Variants in KLRG1 observed in about 807,000 individuals in gnomAD.
KLRG1 encodes killer cell lectin-like receptor subfamily G member 1.
Under a neutral mutation model 21.8 loss-of-function variants are expected in KLRG1, and 16 were observed. That is an observed-to-expected ratio of 0.73 (90% CI 0.50 to 1.11). The LOEUF is 1.11. Ranked by LOEUF, KLRG1 falls within the 50% of genes most tolerant of loss-of-function variation. The pLI is 0.00. For missense variants in KLRG1, 173 were observed against 218.3 expected (o/e 0.79, Z 1.31); for synonymous variants, 69 against 75.9 (o/e 0.91, Z 0.47).
the KLRG1 span, chr12:9,159,995 T>C: frequency 6.2e-7 from 1 of 1,613,984 alleles, no homozygotes. Flanking sequence ...GGAGCCATCT[T>C]GGTGTTTGTA....
intron 2 of KLRG1, 69 bp downstream of exon 2, chr12:8,992,379 G>C: frequency 1.7e-6 from 2 of 1,146,152 alleles, no homozygotes; most frequent in Non-Finnish European, 2.5e-6. Context: ...CATAGCAGAA[G>C]CTTTGAAAAA....
At chr12:9,175,865 G>A in the KLRG1 span, among the ~76,000 whole-genome samples, 5 of 152,194 alleles carry the variant, frequency 3.3e-5, no homozygotes, top group Non-Finnish European at 7.3e-5. Context: ...TGTGGGGAGT[G>A]TAAATTAGTT....
At chr12:9,075,024 C>A in the KLRG1 span, among the ~76,000 whole-genome samples, 1 of 152,034 alleles carries the variant, frequency 6.6e-6, no homozygotes, top group Non-Finnish European at 1.5e-5. Context: ...TTGCTATAGT[C>A]GGGTTGGTGG....
chr12:8,953,007 G>A (rs376273914), intron 1 of KLRG1, among the ~76,000 whole-genome samples: 8 of 151,048 alleles, frequency 5.3e-5, no homozygotes, highest in East Asian at 2.0e-4. Flanking sequence ...GATTTTTCTC[G>A]GTCACTTTGC....
At chr12:9,017,736 T>A in the KLRG1 span, among the ~76,000 whole-genome samples, 1 of 152,176 alleles carries the variant, frequency 6.6e-6, no homozygotes, top group Non-Finnish European at 1.5e-5. Context: ...ACCACCGTTA[T>A]TCAATATAGT....
chr12:9,134,964 C>T, the KLRG1 span: 840 of 153,492 alleles, frequency 5.5e-3, 3 homozygotes, highest in Non-Finnish European at 9.1e-3. Context: ...ACCCTTTCTT[C>T]CTGTCAGCCC....
the KLRG1 span, among the ~76,000 whole-genome samples, chr12:9,070,135 A>G: frequency 6.6e-6 from 1 of 151,820 alleles, no homozygotes; most frequent in African/African-American, 2.4e-5. Flanking sequence ...TGCTTGCTCT[A>G]TTTTTCTTTT....
At chr12:9,089,053 T>C in the KLRG1 span, 2 of 668,472 alleles carry the variant, frequency 3.0e-6, no homozygotes, top group African/African-American at 1.8e-5. Context: ...TTGGCCTTCC[T>C]AAGAACTATT....
the KLRG1 span, chr12:9,098,422 G>T: frequency 2.8e-6 from 1 of 351,274 alleles, no homozygotes; most frequent in Non-Finnish European, 4.6e-6. Flanking sequence ...AACTGCAGAA[G>T]TGAGTAGTTA....
chr12:9,127,486 G>C, the KLRG1 span, among the ~76,000 whole-genome samples: 1 of 152,062 alleles, frequency 6.6e-6, no homozygotes, highest in Non-Finnish European at 1.5e-5. Context: ...TCCTCCTGCC[G>C]ATTGCAGCTC....
At chr12:8,987,102 T>A (rs944667999), upstream of KLRG1, 2 of 152,238 alleles carry the variant, frequency 1.3e-5, no homozygotes, top group African/African-American at 4.8e-5. Context: ...AGTGCAAGAA[T>A]GGACTAATAC....
chr12:8,989,948 C>T (rs896285422), intron 1 of KLRG1, among the ~76,000 whole-genome samples: 8 of 152,190 alleles, frequency 5.3e-5, no homozygotes, highest in Non-Finnish European at 8.8e-5. Flanking sequence ...CTTCTTTGAT[C>T]GCATCTTAGA....
chr12:9,094,164 T>G, the KLRG1 span, among the ~76,000 whole-genome samples: 1 of 152,026 alleles, frequency 6.6e-6, no homozygotes, highest in African/African-American at 2.4e-5. Flanking sequence ...GACACACATG[T>G]TATGACAGTG....
At chr12:9,170,390 G>A in the KLRG1 span, among the ~76,000 whole-genome samples, 1 of 152,186 alleles carries the variant, frequency 6.6e-6, no homozygotes, top group African/African-American at 2.4e-5. This position sits in a 1 kb window ranked among gnomAD's most constrained non-coding sequence, Gnocchi z 4.6. Flanking sequence ...AGAAACCCTG[G>A]AGTTTTACAT....
the KLRG1 span, among the ~76,000 whole-genome samples, chr12:9,147,568 C>T: frequency 6.6e-6 from 1 of 152,270 alleles, no homozygotes; most frequent in African/African-American, 2.4e-5. Flanking sequence ...GAATTTCTCA[C>T]AAAGGGAATT....
At chr12:9,068,226 TG>T in the KLRG1 span, 1 of 1,601,820 alleles carries the variant, frequency 6.2e-7, no homozygotes, top group South Asian at 1.1e-5. Context: ...CAAACTCATC[TG>T]AAAAAAAAAA....
chr12:8,974,548 C>T (rs927923420), intron 1 of KLRG1, among the ~76,000 whole-genome samples: 10 of 152,048 alleles, frequency 6.6e-5, no homozygotes, highest in Non-Finnish European at 5.9e-5. Context: ...TACATTCTCT[C>T]TATACCCATT....
chr12:8,951,454 G>A (rs1946203147), intron 1 of KLRG1, among the ~76,000 whole-genome samples: 1 of 152,182 alleles, frequency 6.6e-6, no homozygotes, highest in Non-Finnish European at 1.5e-5. Flanking sequence ...TGGTGATAGA[G>A]TGAGAACCTA....
intron 1 of KLRG1, among the ~76,000 whole-genome samples, chr12:8,956,677 C>T (rs778443601): frequency 6.6e-6 from 1 of 152,174 alleles, no homozygotes. Flanking sequence ...GAACTCCTGA[C>T]CTCACGTAAT....
Sources: gnomAD v4.1 joint callset for allele counts (sites outside exome capture counted in the v4.1 genomes callset) on GRCh38, gnomAD v4.1.1 for gene constraint, Gnocchi (gnomAD v3.1) non-coding constraint, MANE v1.5 for transcripts, NCBI Gene and HGNC (gene_info 2026-07-23, HGNC 2026-07-21) for gene names.